CALN1: variants seen among roughly 807,000 people sequenced by gnomAD.
CALN1 encodes calneuron 1.
A neutral mutation model predicts 30.6 loss-of-function variants in CALN1; 17 were observed. That is an observed-to-expected ratio of 0.56 (90% CI 0.38 to 0.83). The LOEUF (loss-of-function observed/expected upper bound fraction) is 0.83. Among genes scored for constraint, CALN1 ranks in the 40% least tolerant of loss-of-function variants. The pLI, the probability that CALN1 is intolerant of heterozygous loss-of-function variation, is 0.00. For synonymous variants in CALN1, 156 were observed against 131.4 expected, an observed-to-expected ratio of 1.19 and a Z score of -1.28; for missense variants, 291 against 354.9, an observed-to-expected ratio of 0.82 and a Z score of 1.45.
intron 2 of CALN1, among the ~76,000 whole-genome samples, chr7:72,293,936 A>C (rs938606429): frequency 4.6e-5 from 7 of 152,030 alleles, no homozygotes; most frequent in Non-Finnish European, 7.4e-5. Context: ...GCCTCTCCTT[A>C]AAAATACAAA....
chr7:72,412,924 G>A (rs1807271282), upstream of CALN1, among the ~76,000 whole-genome samples: 1 of 152,162 alleles, frequency 6.6e-6, no homozygotes, highest in African/African-American at 2.4e-5. Context: ...TAATATTTAG[G>A]GTTACCCTCT....
chr7:72,131,036 T>C (rs1261399164), intron 3 of CALN1, among the ~76,000 whole-genome samples: 1 of 152,162 alleles, frequency 6.6e-6, no homozygotes, highest in Non-Finnish European at 1.5e-5. Context: ...CTTGGTGTAC[T>C]AAGCACCCAT....
At chr7:72,102,243 G>A (rs964841524) in intron 4 of CALN1, among the ~76,000 whole-genome samples, 2 of 152,016 alleles carry the variant, frequency 1.3e-5, no homozygotes, top group African/African-American at 4.8e-5. Context: ...TCAGGAGTTC[G>A]AGACCAGCCT....
At chr7:72,140,275 T>TG (rs1563091123) in intron 3 of CALN1, among the ~76,000 whole-genome samples, 7 of 49,684 alleles carry the variant, frequency 1.4e-4, no homozygotes, top group Admixed American at 2.6e-4. Flanking sequence ...TGTCTCAAAA[T>TG]AAGAGAGAGA....
At chr7:72,471,535 G>A in the CALN1 span, among the ~76,000 whole-genome samples, 1 of 152,370 alleles carries the variant, frequency 6.6e-6, no homozygotes, top group Non-Finnish European at 1.5e-5. Context: ...CCTCACCAAA[G>A]TGGTGTCCAT....
upstream of CALN1, among the ~76,000 whole-genome samples, chr7:72,448,850 C>T (rs1808600549): frequency 6.6e-6 from 1 of 152,134 alleles, no homozygotes; most frequent in South Asian, 2.1e-4. Flanking sequence ...CATGATCTTC[C>T]CCCCTCGGCC....
At chr7:72,141,470 C>T (rs569660319) in intron 3 of CALN1, among the ~76,000 whole-genome samples, 1 of 151,926 alleles carries the variant, frequency 6.6e-6, no homozygotes, top group African/African-American at 2.4e-5. Flanking sequence ...TGTGATGGCA[C>T]TTTGAGACCA....
chr7:72,327,632 CT>C (rs1439847252), intron 2 of CALN1, among the ~76,000 whole-genome samples: 2 of 152,188 alleles, frequency 1.3e-5, no homozygotes, highest in Non-Finnish European at 2.9e-5. Flanking sequence ...TATTGCCTAA[CT>C]TTTGATAATG....
At chr7:71,908,125 C>A (rs1794239621) in intron 5 of CALN1, among the ~76,000 whole-genome samples, 1 of 152,174 alleles carries the variant, frequency 6.6e-6, no homozygotes, top group Admixed American at 6.5e-5. Context: ...TCACTTCACA[C>A]CTCCAGTGAG....
chr7:72,007,642 T>TAC (rs1325035933), intron 5 of CALN1, among the ~76,000 whole-genome samples: 9 of 152,212 alleles, frequency 5.9e-5, no homozygotes, highest in Non-Finnish European at 1.2e-4. Context: ...TCCTACCCCT[T>TAC]ACACTAAAAT....
intron 6 of CALN1, among the ~76,000 whole-genome samples, chr7:71,790,368 A>G (rs768092418): frequency 3.1e-4 from 38 of 123,798 alleles, no homozygotes; most frequent in African/African-American, 9.5e-4. Context: ...AGAAAGAAAG[A>G]AAAGAAAGAA....
chr7:71,956,851 C>T (rs1390257464), intron 5 of CALN1, among the ~76,000 whole-genome samples: 1 of 152,118 alleles, frequency 6.6e-6, no homozygotes, highest in Non-Finnish European at 1.5e-5. Context: ...CACCCACCAT[C>T]ACGCCTGGCT....
intron 3 of CALN1, among the ~76,000 whole-genome samples, chr7:72,232,340 G>A (rs1794165325): frequency 6.6e-6 from 1 of 152,190 alleles, no homozygotes; most frequent in South Asian, 2.1e-4. Flanking sequence ...CATTGTACGT[G>A]ATAATACTAT....
chr7:72,369,016 T>C (rs1005180138), intron 2 of CALN1, among the ~76,000 whole-genome samples: 4 of 151,752 alleles, frequency 2.6e-5, no homozygotes, highest in African/African-American at 4.8e-5. Context: ...GGTTTCACCA[T>C]GTTGGCCAGG....
At chr7:72,064,101 CCGTCTCTA>C (rs368846269) in intron 4 of CALN1, among the ~76,000 whole-genome samples, 1,789 of 152,062 alleles carry the variant, frequency 0.012, 36 homozygotes, top group African/African-American at 0.041. Context: ...TGGTGAAACC[CCGTCTCTA>C]CGTCTCTACT....
intron 2 of CALN1, among the ~76,000 whole-genome samples, chr7:72,391,053 C>A (rs921258745): frequency 2.6e-5 from 4 of 152,154 alleles, no homozygotes; most frequent in African/African-American, 9.7e-5. Flanking sequence ...TACTCCCAAG[C>A]CTTCGGTAAA....
chr7:71,810,599 G>A lies in CALN1; in HGVS notation c.502-107C>T, dbSNP rs1036431160. On this transcript the variant is annotated intron_variant, in intron 5 of 6. Transcript: ENST00000395275. ...AGCTGCTCTGCAGAAACTTGTCTCA[G>A]CGTTTCAGGATATCAGGTGAACAGT... 2.7e-6 allele frequency: 3 copies of A among 1,108,962 alleles called. No individual in the cohort carries two copies. The African/African-American group carries it at 4.7e-5, about 17-fold the overall frequency. The allele number at this position is 1,108,962 out of a possible 1,614,324, so 68.7% of individuals were successfully genotyped here.
At chr7:71,827,775 A>AAAAAAAATAAATAAAT (rs1554347603) in intron 5 of CALN1, among the ~76,000 whole-genome samples, 2 of 140,282 alleles carry the variant, frequency 1.4e-5, no homozygotes, top group African/African-American at 5.4e-5. Flanking sequence ...CCATCTTAAA[A>AAAAAAAATAAATAAAT]AAATAAATAA....
intron 5 of CALN1, among the ~76,000 whole-genome samples, chr7:71,924,099 A>G (rs576112033): frequency 4.6e-5 from 7 of 151,426 alleles, no homozygotes; most frequent in Admixed American, 1.3e-4. Flanking sequence ...GGGCTGACGC[A>G]GGAGAATCGC....
Sources: allele counts gnomAD v4.1 joint callset (sites outside exome capture counted in the v4.1 genomes callset), GRCh38; gene constraint gnomAD v4.1.1; transcripts MANE v1.5; gene names NCBI Gene and HGNC (gene_info 2026-07-23, HGNC 2026-07-21).